Variants in MYO5A observed in about 807,000 individuals in gnomAD.
The protein encoded by MYO5A is myosin VA.
Under a neutral mutation model 249.7 loss-of-function variants are expected in MYO5A, and 98 were observed. That is an observed-to-expected ratio of 0.39 (90% CI 0.33 to 0.46). MYO5A has a LOEUF of 0.46. Among genes scored for constraint, MYO5A ranks in the 20% least tolerant of loss-of-function variants. MYO5A has a pLI of 0.98. For missense variants in MYO5A, 1,696 were observed against 2,308.8 expected, an observed-to-expected ratio of 0.73 and a Z score of 5.44; for synonymous variants, 778 against 810.6, an observed-to-expected ratio of 0.96 and a Z score of 0.68.
intron 1 of MYO5A, among the ~76,000 whole-genome samples, chr15:52,520,196 A>G (rs1272191579): frequency 1.3e-5 from 2 of 152,160 alleles, no homozygotes; most frequent in Non-Finnish European, 2.9e-5. Context: ...GACTGAGGGT[A>G]GTTGTTTATT....
chr15:52,432,207 T>C (rs1165885356), intron 2 of MYO5A, among the ~76,000 whole-genome samples: 8 of 152,296 alleles, frequency 5.3e-5, no homozygotes, highest in Non-Finnish European at 1.0e-4. Flanking sequence ...AGGAAAGAAA[T>C]GGAGAATCAC....
intron 2 of MYO5A, among the ~76,000 whole-genome samples, chr15:52,432,635 C>A (rs1724625): frequency 3.3e-5 from 5 of 152,006 alleles, no homozygotes; most frequent in South Asian, 2.1e-4. Context: ...TGAAATTTAA[C>A]GTGAGAAAAT....
At chr15:52,332,804 A>G (rs2038949282) in intron 34 of MYO5A, among the ~76,000 whole-genome samples, 2 of 152,136 alleles carry the variant, frequency 1.3e-5, no homozygotes, top group South Asian at 4.1e-4. Context: ...TCTCTACTAA[A>G]AATACAAAAA....
At chr15:52,425,347 GGTTT>G (rs111457486) in intron 4 of MYO5A, among the ~76,000 whole-genome samples, 156 of 151,362 alleles carry the variant, frequency 1.0e-3, no homozygotes, top group Non-Finnish European at 1.4e-3. Context: ...AAATGTGAGG[GGTTT>G]GTTTGTTTGT....
chr15:52,456,454 C>A (rs975475143), intron 1 of MYO5A, among the ~76,000 whole-genome samples: 1 of 151,702 alleles, frequency 6.6e-6, no homozygotes, highest in Non-Finnish European at 1.5e-5. Flanking sequence ...TTCACAGAAA[C>A]AGAAAAACAA....
rs138031934 is a variant in MYO5A, at chr15:52,484,476, T to G, written c.27+44304A>C. On this transcript the variant is annotated intron_variant, in intron 1 of 41. Coordinates refer to ENST00000399233, the MANE Select transcript of MYO5A (RefSeq NM_001382347.1). ...CAGAAGATGAAATCAACACTAACTT[T>G]AATCCTGACTTCTGTTTCACTCTTC... Among the ~76,000 whole-genome samples, 357 of 152,344 alleles carry G rather than the reference T, an allele frequency of 2.3e-3. 1 individual carries two copies. The highest frequency in any genetic ancestry group is 8.4e-3 in the African/African-American group (348 of 41,566).
At chr15:52,448,951 GTCTTTCT>G (rs2075954950) in intron 1 of MYO5A, among the ~76,000 whole-genome samples, 1 of 64,056 alleles carries the variant, frequency 1.6e-5, no homozygotes, top group Admixed American at 1.6e-4. Flanking sequence ...TTCTTTTCTT[GTCTTTCT>G]TTTTTTTTTT....
chr15:52,459,097 T>G (rs2076179404), intron 1 of MYO5A, among the ~76,000 whole-genome samples: 1 of 148,234 alleles, frequency 6.7e-6, no homozygotes, highest in South Asian at 2.2e-4. Context: ...CCTCCCAGGA[T>G]CAAGCAATTC....
chr15:52,379,570 A>C (rs906901711), intron 18 of MYO5A, 55 bp downstream of exon 18: 7 of 1,515,308 alleles, frequency 4.6e-6, no homozygotes, highest in Non-Finnish European at 6.4e-6. Flanking sequence ...GGGCTTTCCA[A>C]GGTCAGAACC....
intron 25 of MYO5A, among the ~76,000 whole-genome samples, chr15:52,359,073 C>T (rs2040391135): frequency 6.6e-6 from 1 of 152,178 alleles, no homozygotes; most frequent in African/African-American, 2.4e-5. Flanking sequence ...ACTTAGCCTT[C>T]TTGTATGTAT....
chr15:52,429,275 C>T (rs898473487), intron 2 of MYO5A, among the ~76,000 whole-genome samples: 44 of 152,130 alleles, frequency 2.9e-4, no homozygotes, highest in Admixed American at 1.1e-3. Flanking sequence ...AGATTTAGGC[C>T]GGACACAGTG....
chr15:52,319,123 A>G lies in MYO5A; in HGVS notation c.5171T>C (p.Ile1724Thr), dbSNP rs1164841504. The G allele has an allele frequency of 6.2e-7, 1 of 1,614,080 alleles. No homozygotes were observed. Among genetic ancestry groups the G allele is most frequent in the East Asian group, 2.2e-5 (1 of 44,894 alleles). The change falls in exon 39 of 42, where the codon ATC becomes ACC. Residue 1724 changes from isoleucine (I) to threonine (T), a missense_variant. By Grantham distance (89) the Ile-to-Thr change is moderately conservative (BLOSUM62 -1). Coordinates refer to ENST00000399233, the MANE Select transcript of MYO5A (RefSeq NM_001382347.1). ...CCGCAGGAGAAGGTTGTTCAGGGTGATGGCCCCTATGATGTAGAACATCTG... is the reference window on the plus strand; with the variant it reads ...CCGCAGGAGAAGGTTGTTCAGGGTGGTGGCCCCTATGATGTAGAACATCTG... The part of the protein sequence containing the change: ...VKQMFYIIGA[I>T]TLNNLLLRKD...
chr15:52,389,963 A>T (rs2042146285), intron 12 of MYO5A, among the ~76,000 whole-genome samples: 1 of 152,216 alleles, frequency 6.6e-6, no homozygotes, highest in South Asian at 2.1e-4. Context: ...TCAAAAAAAG[A>T]AAAACAAAAA....
At chr15:52,325,797 A>G (rs1482572878) in intron 36 of MYO5A, among the ~76,000 whole-genome samples, 4 of 152,196 alleles carry the variant, frequency 2.6e-5, no homozygotes, top group Non-Finnish European at 5.9e-5. Flanking sequence ...CTTCAAAATA[A>G]AAGAACATTT....
intron 9 of MYO5A, 71 bp downstream of exon 9, chr15:52,405,216 C>T: frequency 9.0e-7 from 1 of 1,115,718 alleles, no homozygotes; most frequent in Non-Finnish European, 1.4e-6. Flanking sequence ...AACTATATTG[C>T]TTCTTTAAAC....
chr15:52,408,365 T>C (rs1367237127), intron 6 of MYO5A, among the ~76,000 whole-genome samples: 1 of 152,184 alleles, frequency 6.6e-6, no homozygotes, highest in Non-Finnish European at 1.5e-5. Flanking sequence ...AAGTATCGGA[T>C]AGTAATGCTT....
At chr15:52,434,455 C>T (rs2141313556) in intron 1 of MYO5A, among the ~76,000 whole-genome samples, 1 of 152,186 alleles carries the variant, frequency 6.6e-6, no homozygotes, top group Non-Finnish European at 1.5e-5. Flanking sequence ...CAGCATTTTG[C>T]CTTCATTATT....
intron 30 of MYO5A, 65 bp downstream of exon 30, chr15:52,346,296 G>T: frequency 1.0e-6 from 1 of 971,986 alleles, no homozygotes; most frequent in Non-Finnish European, 1.6e-6. Context: ...CTGTACAAGA[G>T]GCTGGCTTGA....
chr15:52,358,442 C>T (rs1047710154), intron 25 of MYO5A, among the ~76,000 whole-genome samples: 5 of 152,164 alleles, frequency 3.3e-5, no homozygotes, highest in African/African-American at 4.8e-5. Flanking sequence ...AAAGATGGCA[C>T]CAATGATTCT....
Sources: gnomAD v4.1 joint callset for allele counts (sites outside exome capture counted in the v4.1 genomes callset) on GRCh38, gnomAD v4.1.1 for gene constraint, MANE v1.5 for transcripts, NCBI Gene and HGNC (gene_info 2026-07-23, HGNC 2026-07-21) for gene names.